The following LHX8 variants were observed in gnomAD, a reference collection of about 807,000 sequenced individuals.
LHX8 encodes LIM/homeobox protein Lhx8.
LHX8 carries 12 observed loss-of-function variants against 40.3 expected under a neutral mutation model. The ratio of observed to expected loss-of-function variants is 0.30; its 90% confidence interval spans 0.19 to 0.48. The LOEUF is 0.48. Ranked by LOEUF, LHX8 falls within the 20% of genes least tolerant of loss-of-function variation. LHX8 has a pLI of 0.99. For missense variants in LHX8, 344 were observed against 433.7 expected (o/e 0.79, Z 1.84); for synonymous variants, 179 against 162.0 (o/e 1.10, Z -0.80).
chr1:75,138,479 G>T (rs1473465148), intron 3 of LHX8, among the ~76,000 whole-genome samples: 1 of 152,128 alleles, frequency 6.6e-6, no homozygotes, highest in Non-Finnish European at 1.5e-5. Context: ...AATCTTACTT[G>T]GTGGTTGATT....
At position 75,148,605 on chromosome 1, in the gene LHX8, G is replaced by T. The variant is rs1275665127; in HGVS notation, c.703G>T (p.Ala235Ser). ...DQLQVMQAQF[A>S]QDNNPDAQTL... is the part of the protein sequence containing the mutation. ...ACAACAGGTTATGCAAGCACAATTT[G>T]CTCAGGACAACAACCCAGATGCACA... The change falls in exon 7 of 9, where the codon GCT becomes TCT. Residue 235 changes from alanine to serine, a missense_variant. Transcript: ENST00000356261. 1 of 1,613,622 alleles carries T rather than the reference G, an allele frequency of 6.2e-7. No individual in the cohort carries two copies. The highest frequency in any genetic ancestry group is 8.5e-7 in the Non-Finnish European group (1 of 1,179,762).
chr1:75,130,959 G>C (rs1647944964), upstream of LHX8: 1 of 619,206 alleles, frequency 1.6e-6, no homozygotes. Flanking sequence ...TCTTATGATC[G>C]CGAAAGTCTC....
the LHX8 span, among the ~76,000 whole-genome samples, chr1:75,179,510 T>G: frequency 2.4e-4 from 36 of 149,602 alleles, no homozygotes; most frequent in African/African-American, 7.8e-4. Context: ...TTGTTTTTTT[T>G]TTTTTTTTTT....
At chr1:75,189,058 C>T in the LHX8 span, among the ~76,000 whole-genome samples, 1 of 152,100 alleles carries the variant, frequency 6.6e-6, no homozygotes, top group Non-Finnish European at 1.5e-5. Context: ...TTTAGAAAAC[C>T]CTCCCACAAA....
At chr1:75,178,738 T>A in the LHX8 span, among the ~76,000 whole-genome samples, 3 of 152,230 alleles carry the variant, frequency 2.0e-5, no homozygotes, top group African/African-American at 4.8e-5. Context: ...TTGCTCTTGC[T>A]TCTCTAGTTC....
At chr1:75,155,438 T>G (rs969155010) in intron 7 of LHX8, among the ~76,000 whole-genome samples, 12 of 151,860 alleles carry the variant, frequency 7.9e-5, no homozygotes, top group Non-Finnish European at 1.5e-4. Flanking sequence ...GTTTCACTGT[T>G]TTAGCCAGGA....
At chr1:75,164,711 C>T (rs912561918), downstream of LHX8, among the ~76,000 whole-genome samples, 56 of 149,452 alleles carry the variant, frequency 3.7e-4, 1 homozygote, top group African/African-American at 1.2e-3. Context: ...GTTTGCATTT[C>T]GGAGAACCAG....
In LHX8 at chr1:75,136,601, A is replaced by G; in HGVS notation, c.-12-2A>G. ...ATACTTTCTCCCCCTCCTACTCCGC[A>G]GTGTCAGGGGCTCATGTCAGAGGAG... is the stretch of plus-strand genomic sequence containing the variant. On this transcript the variant is annotated splice_acceptor_variant, in intron 1 of 8. Transcript: ENST00000356261. LOFTEE classifies it low-confidence loss of function (5UTR_SPLICE). The G allele has an allele frequency of 6.5e-7, 1 of 1,548,160 alleles. No homozygotes were observed. The highest frequency in any genetic ancestry group is 8.7e-7 in the Non-Finnish European group (1 of 1,144,792).
the LHX8 span, among the ~76,000 whole-genome samples, chr1:75,190,106 A>G: frequency 2.6e-5 from 4 of 152,198 alleles, no homozygotes; most frequent in Non-Finnish European, 1.5e-5. Context: ...CTGAACACAG[A>G]TGAGATAATG....
the LHX8 span, among the ~76,000 whole-genome samples, chr1:75,168,441 G>C: frequency 6.6e-6 from 1 of 152,090 alleles, no homozygotes; most frequent in Admixed American, 6.5e-5. Context: ...TTGCCAGGCT[G>C]GTCTTGAGCT....
the LHX8 span, among the ~76,000 whole-genome samples, chr1:75,181,736 C>T: frequency 6.6e-6 from 1 of 152,186 alleles, no homozygotes; most frequent in Admixed American, 6.5e-5. Context: ...TGAGATGAAC[C>T]AAATACCTCT....
the LHX8 span, among the ~76,000 whole-genome samples, chr1:75,178,884 A>G: frequency 2.6e-5 from 4 of 152,284 alleles, no homozygotes; most frequent in Admixed American, 2.6e-4. Context: ...CTTTGTTCTC[A>G]TTGGTTTCAA....
At position 75,134,680 on chromosome 1, in the gene LHX8, C is replaced by T. The variant is rs1407987074; in HGVS notation, c.-287C>T. Among the ~76,000 whole-genome samples, 1 of 152,154 alleles carries T rather than the reference C, an allele frequency of 6.6e-6. No individual in the cohort carries two copies. Among genetic ancestry groups the T allele is most frequent in the Non-Finnish European group, 1.5e-5 (1 of 68,030 alleles). ...ACTAGTAGCAAAGGACGTGCCGGAG[C>T]TGGCAGTTCCCCCTGAGAAGGTGAG... On this transcript the variant is annotated 5_prime_UTR_variant, in exon 1 of 9. Coordinates refer to ENST00000356261, the MANE Select transcript of LHX8 (RefSeq NM_001256114.2).
chr1:75,136,508 T>G, intron 1 of LHX8, 95 bp from the exon 2 acceptor site: 2 of 950,234 alleles, frequency 2.1e-6, no homozygotes, highest in Non-Finnish European at 3.3e-6. Flanking sequence ...CTGAGGGCCT[T>G]CATTAGCTCG....
At chr1:75,191,704 A>G in the LHX8 span, among the ~76,000 whole-genome samples, 2 of 152,244 alleles carry the variant, frequency 1.3e-5, no homozygotes, top group African/African-American at 4.8e-5. Context: ...GGCAAAGTTT[A>G]CTAAGAAGAT....
At chr1:75,136,535 TG>T in intron 1 of LHX8, 67 bp from the exon 2 acceptor site, 2 of 1,181,752 alleles carry the variant, frequency 1.7e-6, no homozygotes, top group Non-Finnish European at 2.5e-6. Context: ...GCGCCGAGGC[TG>T]GGGCGGGCAG....
At chr1:75,179,508 T>TG in the LHX8 span, among the ~76,000 whole-genome samples, 3 of 149,818 alleles carry the variant, frequency 2.0e-5, no homozygotes, top group South Asian at 2.1e-4. Flanking sequence ...TGTTGTTTTT[T>TG]TTTTTTTTTT....
chr1:75,191,400 AT>A, the LHX8 span, among the ~76,000 whole-genome samples: 2 of 152,196 alleles, frequency 1.3e-5, no homozygotes, highest in African/African-American at 4.8e-5. Flanking sequence ...GAGAGGATTT[AT>A]TTCAGAGGAG....
At chr1:75,183,383 G>A in the LHX8 span, among the ~76,000 whole-genome samples, 1 of 151,894 alleles carries the variant, frequency 6.6e-6, no homozygotes, top group African/African-American at 2.4e-5. Context: ...AGAGAGAAAG[G>A]GCAGGTCACC....
Sources: gnomAD v4.1 joint callset for allele counts (sites outside exome capture counted in the v4.1 genomes callset) on GRCh38, gnomAD v4.1.1 for gene constraint, MANE v1.5 for transcripts, NCBI Gene and HGNC (gene_info 2026-07-23, HGNC 2026-07-21) for gene names.